CORIN: variants seen among roughly 807,000 people sequenced by gnomAD.
CORIN encodes the protein corin, serine peptidase, also known as atrial natriuretic peptide-converting enzyme.
Under a neutral mutation model 125.3 loss-of-function variants are expected in CORIN, and 117 were observed. The ratio of observed to expected loss-of-function variants is 0.93; its 90% confidence interval spans 0.80 to 1.09. CORIN has a LOEUF of 1.09. Ranked by LOEUF, CORIN falls within the 50% of genes least tolerant of loss-of-function variation. The pLI, the probability that CORIN is intolerant of heterozygous loss-of-function variation, is 0.00. For synonymous variants in CORIN, 450 were observed against 466.4 expected, an observed-to-expected ratio of 0.96 and a Z score of 0.45; for missense variants, 1,253 against 1,306.7, an observed-to-expected ratio of 0.96 and a Z score of 0.63.
intron 13 of CORIN, among the ~76,000 whole-genome samples, chr4:47,647,448 G>A (rs1723539297): frequency 6.6e-6 from 1 of 152,100 alleles, no homozygotes; most frequent in African/African-American, 2.4e-5. Context: ...TTTGGAATGA[G>A]ATGATGAAAT....
chr4:47,744,741 T>C (rs1560529857), intron 4 of CORIN, among the ~76,000 whole-genome samples, 158 bp from the exon 5 acceptor site: 1 of 152,254 alleles, frequency 6.6e-6, no homozygotes, highest in Admixed American at 6.5e-5. Context: ...CCTATGACAG[T>C]GATTTTAGCT....
chr4:47,648,872 T>TA (rs1723609820), intron 13 of CORIN, among the ~76,000 whole-genome samples: 2 of 152,124 alleles, frequency 1.3e-5, no homozygotes, highest in South Asian at 4.2e-4. Flanking sequence ...ATGTGACCTA[T>TA]AAGGAGCTGT....
At chr4:47,701,666 A>T (rs368839872) in intron 5 of CORIN, among the ~76,000 whole-genome samples, 1 of 152,136 alleles carries the variant, frequency 6.6e-6, no homozygotes, top group Non-Finnish European at 1.5e-5. Context: ...AGTAGATTTT[A>T]AATCTAATTT....
At position 47,658,585 on chromosome 4, in the gene CORIN, C is replaced by G. The variant is rs531761223; in HGVS notation, c.1735+3126G>C. ...TGAGCCATGGCTAAAGGTAGAGCAG[C>G]CTGGATGCAGGGAGCAGTGTCCTAA... On this transcript the variant is annotated intron_variant, in intron 12 of 21. Coordinates refer to ENST00000273857, the MANE Select transcript of CORIN (RefSeq NM_006587.4). Among the ~76,000 whole-genome samples, 15 of 152,324 alleles carry G rather than the reference C, an allele frequency of 9.8e-5. No homozygotes were observed. In the South Asian group the frequency reaches 3.1e-3, roughly 32 times the overall value.
At chr4:47,624,942 T>C (rs902709643) in intron 17 of CORIN, among the ~76,000 whole-genome samples, 1 of 152,102 alleles carries the variant, frequency 6.6e-6, no homozygotes, top group Non-Finnish European at 1.5e-5. Context: ...TTTACTGTAT[T>C]TTCATTTCTT....
chr4:47,758,420 G>A (rs1448721951), intron 4 of CORIN, among the ~76,000 whole-genome samples: 2 of 152,052 alleles, frequency 1.3e-5, no homozygotes, highest in Non-Finnish European at 2.9e-5. Flanking sequence ...GTGATCTAGA[G>A]TCAATGCAAT....
intron 3 of CORIN, among the ~76,000 whole-genome samples, chr4:47,775,846 T>G (rs1261399020): frequency 6.6e-6 from 1 of 152,152 alleles, no homozygotes; most frequent in Non-Finnish European, 1.5e-5. Flanking sequence ...AGGAAAAAAC[T>G]TTAGATTTAA....
intron 10 of CORIN, among the ~76,000 whole-genome samples, chr4:47,671,882 C>T (rs2109690854): frequency 6.6e-6 from 1 of 152,330 alleles, no homozygotes; most frequent in Middle Eastern, 3.4e-3. Flanking sequence ...AGCCACCGCG[C>T]CCGGCCTATG....
intron 1 of CORIN, among the ~76,000 whole-genome samples, chr4:47,815,240 T>A (rs1732215860): frequency 6.6e-6 from 1 of 151,954 alleles, no homozygotes; most frequent in Non-Finnish European, 1.5e-5. Context: ...AAAAGTAAAG[T>A]GAAATTAGTA....
intron 4 of CORIN, 80 bp from the exon 5 acceptor site, chr4:47,744,663 C>T (rs6447582): frequency 1.9e-5 from 25 of 1,331,004 alleles, no homozygotes; most frequent in Admixed American, 4.7e-5. Context: ...TTAAAGTTAG[C>T]CCCTGTGTTG....
At chr4:47,618,546 G>A (rs1487312419) in intron 19 of CORIN, among the ~76,000 whole-genome samples, 6 of 151,990 alleles carry the variant, frequency 3.9e-5, no homozygotes, top group African/African-American at 1.4e-4. Flanking sequence ...AGGGCTGGGC[G>A]CAGTGGCTCA....
intron 5 of CORIN, among the ~76,000 whole-genome samples, chr4:47,739,069 T>A (rs1161618379): frequency 6.6e-6 from 1 of 151,962 alleles, no homozygotes; most frequent in Non-Finnish European, 1.5e-5. Context: ...CTTAATGACT[T>A]GGAGGATGTA....
intron 19 of CORIN, among the ~76,000 whole-genome samples, chr4:47,611,450 T>G (rs1244530280): frequency 1.3e-5 from 2 of 152,264 alleles, no homozygotes; most frequent in Non-Finnish European, 2.9e-5. Context: ...TTTTGTATCC[T>G]GAGACTTTGC....
At chr4:47,629,008 A>G (rs1280412863) in intron 16 of CORIN, among the ~76,000 whole-genome samples, 1 of 152,132 alleles carries the variant, frequency 6.6e-6, no homozygotes, top group Non-Finnish European at 1.5e-5. Flanking sequence ...TTAACATGAG[A>G]GTGCAGATGT....
chr4:47,797,085 C>T (rs990298791), intron 2 of CORIN, among the ~76,000 whole-genome samples: 1 of 151,878 alleles, frequency 6.6e-6, no homozygotes, highest in African/African-American at 2.4e-5. Context: ...ATAACAGACA[C>T]TCAATACATA....
In CORIN at chr4:47,623,814, G is replaced by T; in HGVS notation, c.2366-69C>A. 1.9e-6 allele frequency: 3 copies of T among 1,608,126 alleles called. No individual in the cohort carries two copies. In the South Asian group the frequency reaches 3.3e-5, roughly 18 times the overall value. ...CTTGCTAAATGCTTAGCTCTTTGCTGTCACTTACAAGCGATCACTCTTCCC... is the reference window on the plus strand; with the variant it reads ...CTTGCTAAATGCTTAGCTCTTTGCTTTCACTTACAAGCGATCACTCTTCCC... On this transcript the variant is annotated intron_variant, in intron 18 of 21. Coordinates refer to ENST00000273857, the MANE Select transcript of CORIN (RefSeq NM_006587.4).
At chr4:47,698,323 CAAACCTGACATTTGAGCAACAACTTG>C (rs1330236568) in intron 5 of CORIN, among the ~76,000 whole-genome samples, 1 of 151,744 alleles carries the variant, frequency 6.6e-6, no homozygotes, top group Admixed American at 6.6e-5. Flanking sequence ...AGGCCTCACT[CAAACCTGACATTTGAGCAACAACTTG>C]AAAGAGGTGA....
intron 4 of CORIN, among the ~76,000 whole-genome samples, chr4:47,749,804 C>T (rs956104246): frequency 2.6e-5 from 4 of 152,182 alleles, no homozygotes; most frequent in African/African-American, 4.8e-5. Context: ...CTTTGTTAGG[C>T]TGAGCTGTTC....
intron 12 of CORIN, among the ~76,000 whole-genome samples, chr4:47,660,338 G>A (rs559832501): frequency 2.0e-5 from 3 of 152,238 alleles, no homozygotes; most frequent in South Asian, 2.1e-4. Context: ...GGACAAATGC[G>A]ATTACATAAA....
Sources: gnomAD v4.1 joint callset for allele counts (sites outside exome capture counted in the v4.1 genomes callset) on GRCh38, gnomAD v4.1.1 for gene constraint, MANE v1.5 for transcripts, NCBI Gene and HGNC (gene_info 2026-07-23, HGNC 2026-07-21) for gene names.